BRF1: variants seen among roughly 807,000 people sequenced by gnomAD.
BRF1 encodes transcription factor IIIB 90 kDa subunit.
Under a neutral mutation model 81.7 loss-of-function variants are expected in BRF1, and 59 were observed. The observed-to-expected ratio is 0.72, with a 90% CI of 0.59 to 0.90. BRF1 has a LOEUF of 0.90. BRF1 is among the 40% of genes least tolerant of loss of function. The probability of loss-of-function intolerance (pLI) is 0.00; values close to 1 mark genes in which losing one functional copy is unlikely to be tolerated. For synonymous variants in BRF1, 491 were observed against 395.6 expected (o/e 1.24, Z -2.86); for missense variants, 1,050 against 936.3 (o/e 1.12, Z -1.58).
chr14:105,222,859 A>C (rs992059461), intron 10 of BRF1, among the ~76,000 whole-genome samples: 11 of 152,082 alleles, frequency 7.2e-5, no homozygotes, highest in Admixed American at 2.0e-4. Flanking sequence ...TGATCTCCTG[A>C]CCTTGTGATC....
chr14:105,212,143 C>T lies in BRF1; in HGVS notation c.1794G>A (p.Thr598=), dbSNP rs751770016. 14 of 1,612,702 alleles carry T rather than the reference C, an allele frequency of 8.7e-6. No homozygotes were observed. Among genetic ancestry groups the T allele is most frequent in the East Asian group, 4.5e-5 (2 of 44,856 alleles). ...CCGTGGCCACCTTCTTTGCTGGCTGCGTAGACACCAGAGGCCTCAACCTGC... is the reference window on the plus strand; with the variant it reads ...CCGTGGCCACCTTCTTTGCTGGCTGTGTAGACACCAGAGGCCTCAACCTGC... ...VGKRLRPLVS[T]QPAKKVATGE... The change falls in exon 16 of 18, where the codon ACG becomes ACA. Residue 598 remains threonine (T), a synonymous_variant. Transcript: ENST00000547530.
upstream of BRF1, among the ~76,000 whole-genome samples, chr14:105,302,157 A>G (rs1387759323): frequency 3.3e-5 from 5 of 151,360 alleles, no homozygotes; most frequent in East Asian, 1.9e-4. Context: ...AAAAAAAAAA[A>G]AGAGAAAAAA....
rs374100422 is a variant in BRF1 at position 105,212,181 on chromosome 14, A to G, written c.1773-17T>C. 116 of 1,609,348 alleles carry G rather than the reference A, an allele frequency of 7.2e-5. No individual in the cohort carries two copies. Among genetic ancestry groups the G allele is most frequent in the Non-Finnish European group, 9.3e-5 (109 of 1,178,062 alleles). On this transcript the variant is annotated splice_polypyrimidine_tract_variant and intron_variant, in intron 15 of 17. Transcript: ENST00000547530. ...GGCCTCAACCTGCAAAAGGAAGCAC[A>G]GCATGGCGGCCTCAGCCCAGGCTCC...
intron 1 of BRF1, among the ~76,000 whole-genome samples, chr14:105,310,173 A>C (rs1428600886): frequency 1.3e-5 from 2 of 151,692 alleles, no homozygotes; most frequent in Non-Finnish European, 2.9e-5. Flanking sequence ...TTCTCTAACC[A>C]TTTTCCACTG....
chr14:105,210,181 C>A lies in BRF1; in HGVS notation c.*370G>T, dbSNP rs995107272. The stretch of plus-strand genomic sequence containing the variant: ...GGTCCTGAGTCACAGGGCCAGCACA[C>A]TCAGCCCTCCACACACTTGGACCAG... On this transcript the variant is annotated 3_prime_UTR_variant, in exon 18 of 18. Transcript: ENST00000547530. This position sits in a 1 kb window ranked among gnomAD's most constrained non-coding sequence, Gnocchi z 4.7. 3 of 318,184 alleles carry A rather than the reference C, an allele frequency of 9.4e-6. No individual in the cohort carries two copies. Among genetic ancestry groups the A allele is most frequent in the Non-Finnish European group, 1.8e-5 (3 of 167,888 alleles). The allele number at this position is 318,184 out of a possible 1,614,324, so 19.7% of individuals were successfully genotyped here. A position where few individuals can be genotyped will look rare whatever the true frequency, so the allele number is the denominator to read the frequency against.
intron 15 of BRF1, among the ~76,000 whole-genome samples, chr14:105,215,953 G>GCA (rs750634947): frequency 1.8e-5 from 2 of 109,370 alleles, no homozygotes; most frequent in African/African-American, 3.7e-5. Context: ...ACAGACACAG[G>GCA]CACACACACA....
chr14:105,226,314 C>T (rs1480457804), intron 8 of BRF1, 24 bp from the exon 9 acceptor site: 1 of 1,613,918 alleles, frequency 6.2e-7, no homozygotes. Flanking sequence ...GGGCAAGAGG[C>T]TTCGTGAAGG....
At position 105,272,089 on chromosome 14, in the gene BRF1, C is replaced by T. The variant is rs587710740; in HGVS notation, c.439+632G>A. On this transcript the variant is annotated intron_variant, in intron 3 of 17. Transcript: ENST00000547530. ...CCACCGCCTGCAGTCACGGTGTCCA[C>T]GCACAAGGCCAAGCTGCACACCGCT... Among the ~76,000 whole-genome samples, 26 of 102,218 alleles carry T rather than the reference C, an allele frequency of 2.5e-4. 2 individuals carry two copies. Among genetic ancestry groups the T allele is most frequent in the African/African-American group, 7.2e-4 (20 of 27,742 alleles). 67.1% of individuals were successfully genotyped at this position (102,218 alleles called of 152,430 possible). A position where few individuals can be genotyped will look rare whatever the true frequency, so the allele number is the denominator to read the frequency against.
chr14:105,229,178 C>T (rs1382195712), intron 6 of BRF1, among the ~76,000 whole-genome samples: 2 of 152,212 alleles, frequency 1.3e-5, no homozygotes, highest in South Asian at 2.1e-4. Flanking sequence ...TCACGTAATC[C>T]CTCAAAGCAA....
chr14:105,266,370 G>A lies in BRF1; in HGVS notation c.439+6351C>T, dbSNP rs142021143. Among the ~76,000 whole-genome samples the A allele has an allele frequency of 3.1e-3, 476 of 152,224 alleles. 2 individuals are homozygous for A. The highest frequency in any genetic ancestry group is 0.011 in the African/African-American group (440 of 41,542). On this transcript the variant is annotated intron_variant, in intron 3 of 17. Transcript: ENST00000547530. ...GGAGGTTGCAACGAGCTAGGGTGGTGCCACAGTGGTACAGCCTGGGAGAAC... is the reference window on the plus strand; with the variant it reads ...GGAGGTTGCAACGAGCTAGGGTGGTACCACAGTGGTACAGCCTGGGAGAAC...
intron 5 of BRF1, chr14:105,248,517 G>A (rs1452227108): frequency 1.6e-5 from 16 of 978,790 alleles, no homozygotes; most frequent in East Asian, 1.2e-4. Flanking sequence ...GACGTCGCGC[G>A]GGGCGCGGCC....
intron 3 of BRF1, among the ~76,000 whole-genome samples, chr14:105,261,507 T>A (rs774425134): frequency 6.6e-6 from 1 of 152,198 alleles, no homozygotes; most frequent in Non-Finnish European, 1.5e-5. Context: ...CCTGGCTGGC[T>A]GCACGATGCT....
At chr14:105,302,680 G>T (rs188720682), upstream of BRF1, among the ~76,000 whole-genome samples, 1 of 151,864 alleles carries the variant, frequency 6.6e-6, no homozygotes, top group Admixed American at 6.6e-5. Flanking sequence ...CTACCTCCTG[G>T]GCTCAGGTGA....
At chr14:105,228,758 G>C in intron 7 of BRF1, 62 bp downstream of exon 7, 1 of 1,583,254 alleles carries the variant, frequency 6.3e-7, no homozygotes, top group Non-Finnish European at 8.7e-7. Flanking sequence ...CTGGCAAGCA[G>C]GCCTGAGCTG....
chr14:105,313,724 C>T (rs949393095), intron 1 of BRF1, among the ~76,000 whole-genome samples: 4 of 152,196 alleles, frequency 2.6e-5, no homozygotes. Context: ...AGACACAGGG[C>T]GAAGAGAAAA....
rs1292268623 is a variant in BRF1, at chr14:105,210,350, G to A, written c.*201C>T. ...CACATCTGATCACACACATGCAGAC[G>A]CTTGGTCCGGTTTCCCTTGCTGAAT... On this transcript the variant is annotated 3_prime_UTR_variant, in exon 18 of 18. Transcript: ENST00000547530. The surrounding 1 kb of genome is among the most constrained non-coding windows in gnomAD (Gnocchi z 4.7). 11 of 614,846 alleles carry A rather than the reference G, an allele frequency of 1.8e-5. No homozygotes were observed. The highest frequency in any genetic ancestry group is 1.1e-4 in the African/African-American group (6 of 54,052). 38.1% of individuals were successfully genotyped at this position (614,846 alleles called of 1,614,324 possible). A position where few individuals can be genotyped will look rare whatever the true frequency, so the allele number is the denominator to read the frequency against.
In BRF1 at chr14:105,295,925, A is replaced by G. The variant is rs1480576682; in HGVS notation, c.184+4521T>C. ...GAAACCCCATCTCTACTACAAATAC[A>G]AAAACCAGCCGGGTATGGTAGTGGG... On this transcript the variant is annotated intron_variant, in intron 1 of 17. Transcript: ENST00000547530. 7.2e-5 allele frequency among the ~76,000 whole-genome samples: 11 copies of G among 152,024 alleles called. 1 individual carries two copies. The South Asian group carries it at 1.9e-3, about 26-fold the overall frequency.
rs1890068659 is a variant in BRF1 at position 105,211,243 on chromosome 14, C to G, written c.1875G>C (p.Gln625His). 1.2e-6 allele frequency: 2 copies of G among 1,609,538 alleles called. No individual in the cohort carries two copies. Among genetic ancestry groups the G allele is most frequent in the Admixed American group, 3.3e-5 (2 of 59,908 alleles). The part of the protein sequence containing the change: ...PTLGAEPARP[Q>H]AVLVESGPVS... ...CGGGCCCGCTCTCCACCAGCACCGCCTGGGGCCTGGCAGGCTCAGCTCCGA... is the reference window on the plus strand; with the variant it reads ...CGGGCCCGCTCTCCACCAGCACCGCGTGGGGCCTGGCAGGCTCAGCTCCGA... Residue 625 changes from glutamine to histidine, a missense_variant, in exon 17 of 18, where the codon CAG (glutamine) becomes CAC (histidine). By Grantham distance (24) the Gln-to-His change is conservative (BLOSUM62 0). This residue lies in a region of BRF1 where 1,043 missense variants were observed against 915.4 expected (regional missense o/e 1.14). Coordinates refer to ENST00000547530, the MANE Select transcript of BRF1 (RefSeq NM_001519.4).
At chr14:105,265,053 TG>T (rs1419832113) in intron 3 of BRF1, among the ~76,000 whole-genome samples, 2,309 of 140,376 alleles carry the variant, frequency 0.016, 102 homozygotes, top group African/African-American at 0.054. Flanking sequence ...TCCTTTTTTT[TG>T]TTTTTTTTTT....
Sources: gnomAD v4.1 joint callset for allele counts (sites outside exome capture counted in the v4.1 genomes callset) on GRCh38, gnomAD v4.1.1 for gene constraint, gnomAD v4.1.1 regional missense constraint, Gnocchi (gnomAD v3.1) non-coding constraint, MANE v1.5 for transcripts, NCBI Gene and HGNC (gene_info 2026-07-23, HGNC 2026-07-21) for gene names.